Variants in ATR observed in about 807,000 individuals in gnomAD.
ATR encodes serine/threonine-protein kinase ATR.
Under a neutral mutation model 305.3 loss-of-function variants are expected in ATR, and 142 were observed. The observed-to-expected ratio is 0.47, with a 90% CI of 0.41 to 0.53. The LOEUF (loss-of-function observed/expected upper bound fraction) is 0.53. ATR is among the 20% of genes least tolerant of loss of function. The pLI is 0.00. For missense variants in ATR, 2,135 were observed against 3,133.1 expected (o/e 0.68, Z 7.60); for synonymous variants, 1,050 against 1,068.1 (o/e 0.98, Z 0.33).
At chr3:142,466,240 T>C (rs1484450976) in intron 40 of ATR, 84 bp downstream of exon 40, 34 of 1,394,236 alleles carry the variant, frequency 2.4e-5, no homozygotes, top group Middle Eastern at 3.5e-4. Flanking sequence ...TTCACGTAGA[T>C]TTTGTGAAAT....
Position 142,458,113 on chromosome 3 carries a change from T to C in ATR, c.7504-358A>G, listed in dbSNP as rs145651163. Among the ~76,000 whole-genome samples the C allele has an allele frequency of 2.1e-3, 323 of 152,356 alleles. 1 individual carries two copies. Among genetic ancestry groups the C allele is most frequent in the African/African-American group, 7.6e-3 (317 of 41,584 alleles). On this transcript the variant is annotated intron_variant, in intron 44 of 46. Transcript: ENST00000350721. ...ATAATATGAAATACAAATATTCTCA[T>C]ATATTTCTACTTTTCTTTAACACTT...
Position 142,553,154 on chromosome 3 carries a change from A to T in ATR, c.2805+73T>A, listed in dbSNP as rs1272853915. On this transcript the variant is annotated intron_variant, in intron 13 of 46. Transcript: ENST00000350721. ...AAAGCAAGCAAAATAAAACATGTAT[A>T]AATATTCTTCTTTTTTGTAACTCTT... 2.0e-6 allele frequency: 3 copies of T among 1,522,328 alleles called. No individual in the cohort carries two copies. In the Admixed American group the frequency reaches 5.2e-5, roughly 27 times the overall value. The allele number at this position is 1,522,328 out of a possible 1,614,324, so 94.3% of individuals were successfully genotyped here. A position where few individuals can be genotyped will look rare whatever the true frequency, so the allele number is the denominator to read the frequency against.
chr3:142,494,183 A>G (rs762098475), intron 34 of ATR, among the ~76,000 whole-genome samples: 3 of 152,206 alleles, frequency 2.0e-5, no homozygotes, highest in Non-Finnish European at 4.4e-5. Flanking sequence ...AGAAGTATAC[A>G]AGAGGATGTC....
chr3:142,499,066 A>T lies in ATR; in HGVS notation c.5381-292T>A, dbSNP rs187618664. On this transcript the variant is annotated intron_variant, in intron 31 of 46. Transcript: ENST00000350721. Reference sequence around the variant, plus strand: ...TAAGTTTTTTAAAAAACATTTTTGCAGAGACAGTCTCAGTATTTTGCCCAG... The same window carrying T: ...TAAGTTTTTTAAAAAACATTTTTGCTGAGACAGTCTCAGTATTTTGCCCAG... 1.2e-5 allele frequency: 5 copies of T among 417,954 alleles called. No individual in the cohort carries two copies. In the Admixed American group the frequency reaches 1.4e-4, roughly 12 times the overall value. 25.9% of individuals were successfully genotyped at this position (417,954 alleles called of 1,614,324 possible).
intron 36 of ATR, among the ~76,000 whole-genome samples, chr3:142,484,401 G>A (rs929698237): frequency 2.0e-5 from 3 of 152,118 alleles, no homozygotes; most frequent in African/African-American, 7.2e-5. Flanking sequence ...AGGTGAACAC[G>A]TGGAGGCTGA....
intron 18 of ATR, among the ~76,000 whole-genome samples, chr3:142,539,645 G>C (rs914023107): frequency 6.6e-6 from 1 of 152,054 alleles, no homozygotes; most frequent in Non-Finnish European, 1.5e-5. Context: ...TGCTTTTAAA[G>C]ACAAGGTCCT....
rs1461731195 is a variant in ATR at position 142,513,032 on chromosome 3, GA to G, written c.4641+468del. On this transcript the variant is annotated intron_variant, in intron 26 of 46. Transcript: ENST00000350721. ...ATGATAATGAAACTTTGTTAACAGT[GA>G]AAAAAACTTACAGTAATATTTCACA... Among the ~76,000 whole-genome samples the G allele has an allele frequency of 3.3e-5, 5 of 151,996 alleles. No homozygotes were observed. In the East Asian group the frequency reaches 7.7e-4, roughly 23 times the overall value.
intron 29 of ATR, among the ~76,000 whole-genome samples, chr3:142,503,941 A>G (rs935946039): frequency 8.5e-5 from 13 of 152,230 alleles, no homozygotes; most frequent in African/African-American, 3.1e-4. Context: ...TCTCACATAA[A>G]CATTCAAGCT....
chr3:142,519,605 A>C, intron 24 of ATR, 64 bp downstream of exon 24: 1 of 1,430,064 alleles, frequency 7.0e-7, no homozygotes, highest in South Asian at 1.2e-5. Flanking sequence ...CGGCCAAAAA[A>C]ATCGCATTAT....
intron 1 of ATR, among the ~76,000 whole-genome samples, chr3:142,575,861 C>T (rs1399736696): frequency 1.3e-5 from 2 of 152,188 alleles, no homozygotes; most frequent in African/African-American, 4.8e-5. Context: ...GTGATGAAGT[C>T]AGAGGCAGGC....
chr3:142,538,125 T>C (rs2033922899), intron 19 of ATR, among the ~76,000 whole-genome samples: 1 of 152,170 alleles, frequency 6.6e-6, no homozygotes, highest in African/African-American at 2.4e-5. Flanking sequence ...TAATAAGGGT[T>C]TCAACTAAGG....
At chr3:142,452,686 C>A in intron 46 of ATR, 3 of 1,020,582 alleles carry the variant, frequency 2.9e-6, no homozygotes, top group South Asian at 3.2e-5. Flanking sequence ...AAACAACAAC[C>A]ACCACCACCA....
chr3:142,465,113 T>C lies in ATR; in HGVS notation c.7025A>G (p.Asn2342Ser). The C allele has an allele frequency of 1.3e-6, 2 of 1,543,604 alleles. No homozygotes were observed. Among genetic ancestry groups the C allele is most frequent in the Non-Finnish European group, 1.7e-6 (2 of 1,143,064 alleles). The change falls in exon 41 of 47, where the codon AAT (asparagine) becomes AGT (serine). Residue 2342 changes from asparagine (N) to serine (S), a missense_variant. By Grantham distance (46) the Asn-to-Ser change is conservative. Around this residue, in one of 9 missense-constraint regions of ATR, gnomAD observed 462 missense variants for 887.6 expected, o/e 0.52. Coordinates refer to ENST00000350721, the MANE Select transcript of ATR (RefSeq NM_001184.4). ...TCTCCCAACCTTATTAATCAAGGAA[T>C]TGAATTCCATTAGTCTACAATCCTT... ...LRKDCRLMEF[N>S]SLINKCLRKD...
chr3:142,563,454 T>C (rs976048495), intron 3 of ATR, among the ~76,000 whole-genome samples: 11 of 152,214 alleles, frequency 7.2e-5, no homozygotes, highest in African/African-American at 1.9e-4. Flanking sequence ...GTATCTGTTA[T>C]GGTGATCTGT....
rs35747309 is a variant in ATR at position 142,498,512 on chromosome 3, A to G, written c.5558+85T>C. On this transcript the variant is annotated intron_variant, in intron 32 of 46. Transcript: ENST00000350721. ...AGCTATGCATGAAACCAAACTCACTATCAATTATTTACTCAAAAAAATTTT... is the reference window on the plus strand; with the variant it reads ...AGCTATGCATGAAACCAAACTCACTGTCAATTATTTACTCAAAAAAATTTT... 985 of 1,307,190 alleles carry G rather than the reference A, an allele frequency of 7.5e-4. 4 individuals are homozygous for G. In the African/African-American group the frequency reaches 0.013, roughly 17 times the overall value. The allele number at this position is 1,307,190 out of a possible 1,614,324, so 81.0% of individuals were successfully genotyped here.
chr3:142,521,920 T>C lies in ATR; in HGVS notation c.4266+808A>G, dbSNP rs115583831. Among the ~76,000 whole-genome samples the C allele has an allele frequency of 1.2e-3, 181 of 152,328 alleles. 2 individuals are homozygous for C. Among genetic ancestry groups the C allele is most frequent in the African/African-American group, 4.3e-3 (177 of 41,586 alleles). On this transcript the variant is annotated intron_variant, in intron 23 of 46. Transcript: ENST00000350721. ...TTAGTTGATTAAGCAGTGGCAAGGTTTGAGAGGACTCATTCAAATTTTGAA... is the reference window on the plus strand; with the variant it reads ...TTAGTTGATTAAGCAGTGGCAAGGTCTGAGAGGACTCATTCAAATTTTGAA...
chr3:142,471,897 A>G (rs1028385574), intron 36 of ATR, among the ~76,000 whole-genome samples: 3 of 151,980 alleles, frequency 2.0e-5, no homozygotes, highest in African/African-American at 7.3e-5. Flanking sequence ...CACTACTCCA[A>G]CCCCTGGTAA....
In ATR at chr3:142,524,316, A is replaced by G. The variant is rs556244864; in HGVS notation, c.3946-117T>C. 11 of 1,047,500 alleles carry G rather than the reference A, an allele frequency of 1.1e-5. No homozygotes were observed. In the South Asian group the frequency reaches 1.4e-4, roughly 13 times the overall value. The allele number at this position is 1,047,500 out of a possible 1,614,324, so 64.9% of individuals were successfully genotyped here. A position where few individuals can be genotyped will look rare whatever the true frequency, so the allele number is the denominator to read the frequency against. Reference sequence around the variant, plus strand: ...CTAACATAAATATTGACAAAATTAAATTTCTGTATCTGCAATTTTTTCAGC... The same window carrying G: ...CTAACATAAATATTGACAAAATTAAGTTTCTGTATCTGCAATTTTTTCAGC... On this transcript the variant is annotated intron_variant, in intron 21 of 46. Transcript: ENST00000350721.
At chr3:142,503,815 CAT>C (rs2032099506) in intron 29 of ATR, among the ~76,000 whole-genome samples, 1 of 152,178 alleles carries the variant, frequency 6.6e-6, no homozygotes, top group East Asian at 1.9e-4. Flanking sequence ...ATGTAGACAA[CAT>C]AGAAAATCTC....
Sources: allele counts gnomAD v4.1 joint callset (sites outside exome capture counted in the v4.1 genomes callset), GRCh38; gene constraint gnomAD v4.1.1; regional missense constraint gnomAD v4.1.1; transcripts MANE v1.5; gene names NCBI Gene and HGNC (gene_info 2026-07-23, HGNC 2026-07-21).